A2ML1: variants seen among roughly 807,000 people sequenced by gnomAD.
A2ML1 encodes alpha-2-macroglobulin like 1.
Under a neutral mutation model 181.9 loss-of-function variants are expected in A2ML1, and 161 were observed. The observed-to-expected ratio is 0.89, with a 90% CI of 0.78 to 1.01. The LOEUF (loss-of-function observed/expected upper bound fraction) is 1.01, where lower values mean the gene tolerates loss of function less well. A2ML1 is among the 50% of genes least tolerant of loss of function. The probability of loss-of-function intolerance (pLI) is 0.00; values close to 1 mark genes in which losing one functional copy is unlikely to be tolerated. For synonymous variants in A2ML1, 663 were observed against 666.8 expected, an observed-to-expected ratio of 0.99 and a Z score of 0.09; for missense variants, 1,670 against 1,768.1, an observed-to-expected ratio of 0.94 and a Z score of 1.00.
downstream of A2ML1, among the ~76,000 whole-genome samples, chr12:8,879,880 G>A (rs746780598): frequency 6.6e-5 from 10 of 152,180 alleles, no homozygotes; most frequent in Non-Finnish European, 1.3e-4. Flanking sequence ...TGGTATTACA[G>A]TACTTACAGT....
downstream of A2ML1, among the ~76,000 whole-genome samples, chr12:8,877,953 A>G (rs945099357): frequency 1.3e-5 from 2 of 152,180 alleles, no homozygotes; most frequent in African/African-American, 4.8e-5. Context: ...TCAATGGTAG[A>G]GTGGATAAAG....
At chr12:8,886,533 A>G (rs1228535212) in exon 8 of A2ML1, 1 of 152,114 alleles carries the variant, frequency 6.6e-6, no homozygotes, top group Non-Finnish European at 1.5e-5. Flanking sequence ...TCAGTACACA[A>G]TTGTGTGGTC....
At position 8,857,181 on chromosome 12, in the gene A2ML1, G is replaced by A. The variant is rs1234610911; in HGVS notation, c.2866G>A (p.Ala956Thr). 1.9e-6 allele frequency: 3 copies of A among 1,612,294 alleles called. No individual in the cohort carries two copies. The African/African-American group carries it at 4.0e-5, about 22-fold the overall frequency. ...VTVLGDIMGT[A>T]LQNLDGLVQM... ...GATCCCAGGAGACATTATGGGCACAGCCCTGCAGAACCTGGATGGTCTGGT... is the reference window on the plus strand; with the variant it reads ...GATCCCAGGAGACATTATGGGCACAACCCTGCAGAACCTGGATGGTCTGGT... The change falls in exon 24 of 36, where the codon GCC becomes ACC. Residue 956 changes from alanine to threonine, a missense_variant. Transcript: ENST00000299698.
Position 8,823,775 on chromosome 12 carries a change from T to A in A2ML1, c.302T>A (p.Val101Asp). Residue 101 changes from valine to aspartate, a missense_variant, in exon 3 of 36, where the codon GTT becomes GAT. Transcript: ENST00000299698. The part of the protein sequence containing the change: ...EEVATIRVSG[V>D]GNNISFEEKK... The stretch of plus-strand genomic sequence containing the variant: ...GTGGCCACAATCCGGGTGTCGGGAG[T>A]TGGAAATAACATCAGCTTTGAGGAG... The A allele has an allele frequency of 6.2e-7, 1 of 1,613,744 alleles. No homozygotes were observed. The highest frequency in any genetic ancestry group is 1.1e-5 in the South Asian group (1 of 91,046).
chr12:8,858,266 A>G, intron 26 of A2ML1, 164 bp downstream of exon 26: 1 of 774,588 alleles, frequency 1.3e-6, no homozygotes, highest in East Asian at 2.8e-5. Flanking sequence ...TCTGGGCCTC[A>G]GTTTTCATGT....
downstream of A2ML1, among the ~76,000 whole-genome samples, chr12:8,881,191 C>T (rs761398800): frequency 3.3e-5 from 5 of 151,904 alleles, no homozygotes; most frequent in Non-Finnish European, 2.9e-5. Context: ...CAAATGAAAC[C>T]GAGAAAAGAC....
At chr12:8,860,383 A>T (rs1422949210) in intron 26 of A2ML1, among the ~76,000 whole-genome samples, 2 of 152,156 alleles carry the variant, frequency 1.3e-5, no homozygotes, top group African/African-American at 4.8e-5. Context: ...TTTCTTATTT[A>T]TAGAATGAGG....
At chr12:8,849,369 T>C (rs761495146) in intron 16 of A2ML1, among the ~76,000 whole-genome samples, 1 of 152,196 alleles carries the variant, frequency 6.6e-6, no homozygotes, top group Non-Finnish European at 1.5e-5. Context: ...TACGCTGATA[T>C]GGTCCCTACC....
chr12:8,864,034 A>G, intron 29 of A2ML1, 26 bp downstream of exon 29: 2 of 1,594,124 alleles, frequency 1.3e-6, no homozygotes, highest in Non-Finnish European at 1.7e-6. Flanking sequence ...TCCCACTGCC[A>G]CTTATCAGGT....
rs1239294240 is a variant in A2ML1, at chr12:8,857,972, T to G, written c.3134T>G (p.Phe1045Cys). The G allele has an allele frequency of 6.2e-7, 1 of 1,614,172 alleles. No homozygotes were observed. The highest frequency in any genetic ancestry group is 1.7e-5 in the Admixed American group (1 of 60,008). The part of the protein sequence containing the change: ...TWLTAFVTKC[F>C]GQAQKFIFID... ...CTGACAGCGTTTGTCACAAAATGCT[T>G]TGGCCAAGCTCAGAAATTCATCTTC... The change falls in exon 26 of 36, where the codon TTT becomes TGT. Residue 1045 changes from phenylalanine to cysteine, a missense_variant. Phe to Cys is a radical substitution (Grantham distance 205). Transcript: ENST00000299698.
At chr12:8,832,413 C>A (rs1943146710) in intron 4 of A2ML1, among the ~76,000 whole-genome samples, 1 of 152,162 alleles carries the variant, frequency 6.6e-6, no homozygotes, top group African/African-American at 2.4e-5. Flanking sequence ...GCAGACTGGT[C>A]CCCGGGCAAG....
chr12:8,845,420 A>ATT (rs1224124171), intron 12 of A2ML1, 22 bp from the exon 13 acceptor site: 2 of 1,612,462 alleles, frequency 1.2e-6, no homozygotes, highest in African/African-American at 2.7e-5. Context: ...TGTGCAGTTG[A>ATT]TTCTTTTCTT....
At chr12:8,877,971 G>C (rs1181583731), downstream of A2ML1, among the ~76,000 whole-genome samples, 1 of 152,038 alleles carries the variant, frequency 6.6e-6, no homozygotes, top group Non-Finnish European at 1.5e-5. Context: ...AAGAAAATGT[G>C]GTCCATGTAT....
At chr12:8,851,541 G>T (rs903202608) in intron 18 of A2ML1, among the ~76,000 whole-genome samples, 1 of 151,924 alleles carries the variant, frequency 6.6e-6, no homozygotes, top group Admixed American at 6.6e-5. Flanking sequence ...AAGTAGCTGG[G>T]ACTATAGGCA....
chr12:8,859,674 G>C (rs1005228772), intron 26 of A2ML1, among the ~76,000 whole-genome samples: 11 of 151,962 alleles, frequency 7.2e-5, no homozygotes, highest in African/African-American at 2.7e-4. Flanking sequence ...CTGGGTTCAA[G>C]TGATCTCAGC....
rs1056409069 is a variant in A2ML1, at chr12:8,876,701, T to C, written c.*645T>C. The C allele has an allele frequency of 2.0e-5, 3 of 151,982 alleles. No homozygotes were observed. The highest frequency in any genetic ancestry group is 4.4e-5 in the Non-Finnish European group (3 of 67,986). 9.4% of individuals were successfully genotyped at this position (151,982 alleles called of 1,614,324 possible). ...AAATAATAAATAATAATAATAATAA[T>C]GTTTTTCTAGAGTTTCAGTCTAAGG... is the stretch of plus-strand genomic sequence containing the variant. On this transcript the variant is annotated 3_prime_UTR_variant, in exon 36 of 36. Transcript: ENST00000299698.
chr12:8,838,502 G>A, intron 9 of A2ML1, 52 bp downstream of exon 9: 1 of 1,439,850 alleles, frequency 6.9e-7, no homozygotes, highest in African/African-American at 1.4e-5. Context: ...AAAAGGGCTG[G>A]TCCCAGGGAC....
chr12:8,857,167 A>G lies in A2ML1; in HGVS notation c.2852A>G (p.Asp951Gly), dbSNP rs748270692. The change falls in exon 24 of 36, where the codon GAC becomes GGC. Residue 951 changes from aspartate (D) to glycine (G), a missense_variant. By Grantham distance (94) the Asp-to-Gly change is moderately conservative. Coordinates refer to ENST00000299698, the MANE Select transcript of A2ML1 (RefSeq NM_144670.6). ...STKAYVTVLG[D>G]IMGTALQNLD... ...TCTCTCTCCTTTTGGATCCCAGGAG[A>G]CATTATGGGCACAGCCCTGCAGAAC... The G allele has an allele frequency of 6.2e-7, 1 of 1,611,100 alleles. No individual in the cohort carries two copies. The highest frequency in any genetic ancestry group is 2.2e-5 in the East Asian group (1 of 44,842).
At chr12:8,838,832 G>A (rs953194378) in intron 9 of A2ML1, among the ~76,000 whole-genome samples, 10 of 151,082 alleles carry the variant, frequency 6.6e-5, no homozygotes, top group South Asian at 4.2e-4. Context: ...GGAGAATGGC[G>A]TGAACCCAGG....
Sources: gnomAD v4.1 joint callset for allele counts (sites outside exome capture counted in the v4.1 genomes callset) on GRCh38, gnomAD v4.1.1 for gene constraint, MANE v1.5 for transcripts, NCBI Gene and HGNC (gene_info 2026-07-23, HGNC 2026-07-21) for gene names.